SYN2: variants seen among roughly 807,000 people sequenced by gnomAD.
SYN2 encodes the protein synapsin-2.
In SYN2, 19 loss-of-function variants were observed where a neutral mutation model predicts 50.9. The observed-to-expected ratio is 0.37, with a 90% CI of 0.26 to 0.55. The LOEUF is 0.55. Ranked by LOEUF, SYN2 falls within the 20% of genes least tolerant of loss-of-function variation. The probability of loss-of-function intolerance (pLI) is 0.81; values close to 1 mark genes in which losing one functional copy is unlikely to be tolerated. For missense variants in SYN2, 587 were observed against 576.4 expected (o/e 1.02, Z -0.19); for synonymous variants, 255 against 224.9 (o/e 1.13, Z -1.20).
At chr3:12,026,502 G>A (rs771512813) in intron 1 of SYN2, among the ~76,000 whole-genome samples, 1 of 152,160 alleles carries the variant, frequency 6.6e-6, no homozygotes, top group Non-Finnish European at 1.5e-5. Context: ...GGAGGCTGGG[G>A]AAGGATTAAC....
intron 1 of SYN2, among the ~76,000 whole-genome samples, chr3:12,087,637 G>A (rs986271211): frequency 1.4e-4 from 22 of 151,808 alleles, no homozygotes; most frequent in Admixed American, 5.9e-4. Flanking sequence ...CTGTAGCCCC[G>A]GCTGCTTGGG....
intron 1 of SYN2, among the ~76,000 whole-genome samples, chr3:12,045,544 A>T (rs1361639211): frequency 1.4e-4 from 21 of 152,302 alleles, no homozygotes; most frequent in Admixed American, 1.4e-3. Flanking sequence ...TACCACCACT[A>T]TTGCTATCAC....
intron 1 of SYN2, among the ~76,000 whole-genome samples, chr3:12,134,973 T>G (rs748998932): frequency 1.3e-5 from 2 of 152,244 alleles, no homozygotes; most frequent in Non-Finnish European, 2.9e-5. Flanking sequence ...CAGTAAATTT[T>G]TGCTGAATTT....
At chr3:12,043,988 A>G (rs371466388) in intron 1 of SYN2, among the ~76,000 whole-genome samples, 1 of 152,144 alleles carries the variant, frequency 6.6e-6, no homozygotes, top group Non-Finnish European at 1.5e-5. Context: ...TTGTCCAGGT[A>G]TATTGTAGGT....
chr3:12,046,883 C>T (rs895217870), intron 1 of SYN2, among the ~76,000 whole-genome samples: 1 of 151,966 alleles, frequency 6.6e-6, no homozygotes, highest in Non-Finnish European at 1.5e-5. Flanking sequence ...ATTGAAGGAA[C>T]CTGAAGGACA....
At chr3:12,044,298 A>G (rs1180510858) in intron 1 of SYN2, among the ~76,000 whole-genome samples, 1 of 152,140 alleles carries the variant, frequency 6.6e-6, no homozygotes, top group Non-Finnish European at 1.5e-5. Flanking sequence ...GCAAAAAAGA[A>G]TGAAATGCTT....
At chr3:12,109,447 G>GT (rs1383091187) in intron 1 of SYN2, among the ~76,000 whole-genome samples, 1 of 152,076 alleles carries the variant, frequency 6.6e-6, no homozygotes, top group African/African-American at 2.4e-5. Flanking sequence ...GATTGAGAAA[G>GT]TTTTTTTACC....
At chr3:12,090,391 T>C (rs545197171) in intron 1 of SYN2, among the ~76,000 whole-genome samples, 1 of 152,154 alleles carries the variant, frequency 6.6e-6, no homozygotes, top group African/African-American at 2.4e-5. Context: ...ACTAAGTTAA[T>C]GTAACTTAGA....
intron 1 of SYN2, among the ~76,000 whole-genome samples, chr3:12,125,041 G>A (rs942855657): frequency 6.6e-6 from 1 of 150,998 alleles, no homozygotes; most frequent in African/African-American, 2.4e-5. Flanking sequence ...TTGAGATGGA[G>A]TCTCACCCTG....
chr3:12,158,366 C>CCCCTT (rs2125232297), intron 5 of SYN2, among the ~76,000 whole-genome samples: 1 of 152,310 alleles, frequency 6.6e-6, no homozygotes, highest in Non-Finnish European at 1.5e-5. Context: ...CCTCTCCCCT[C>CCCCTT]CCCTTTCTGT....
At chr3:12,134,736 A>G (rs576552627) in intron 1 of SYN2, among the ~76,000 whole-genome samples, 4 of 152,340 alleles carry the variant, frequency 2.6e-5, no homozygotes, top group East Asian at 1.9e-4. Flanking sequence ...CTCCTGGACT[A>G]TATGAAACTT....
intron 1 of SYN2, among the ~76,000 whole-genome samples, chr3:12,033,270 A>G (rs1237644671): frequency 1.3e-5 from 2 of 152,270 alleles, no homozygotes; most frequent in South Asian, 4.1e-4. Flanking sequence ...TGGGAGAACC[A>G]CTGCTCTCTT....
chr3:12,116,422 A>G (rs1696434874), intron 1 of SYN2, among the ~76,000 whole-genome samples: 1 of 152,302 alleles, frequency 6.6e-6, no homozygotes. Context: ...AAGAGTAACC[A>G]TGGTCTCACC....
At position 12,033,656 on chromosome 3, in the gene SYN2, A is replaced by T. The variant is rs75559397; in HGVS notation, c.377+28728A>T. On this transcript the variant is annotated intron_variant, in intron 1 of 12. Coordinates refer to ENST00000621198, the MANE Select transcript of SYN2 (RefSeq NM_133625.6). ...TCACCCCAAAAACCATATACATGTT[A>T]GCAGTATTTCCCATTCCTCCCTTAA... Among the ~76,000 whole-genome samples, 525 of 152,344 alleles carry T rather than the reference A, an allele frequency of 3.4e-3. 2 individuals are homozygous for T. The highest frequency in any genetic ancestry group is 0.012 in the African/African-American group (497 of 41,576).
intron 1 of SYN2, among the ~76,000 whole-genome samples, chr3:12,042,986 A>C (rs1290528154): frequency 6.6e-6 from 1 of 151,794 alleles, no homozygotes; most frequent in Non-Finnish European, 1.5e-5. Flanking sequence ...AACCGTGAGA[A>C]TAAATCCCCC....
At chr3:12,107,013 TTGTGTG>T (rs34550312) in intron 1 of SYN2, among the ~76,000 whole-genome samples, 1 of 150,120 alleles carries the variant, frequency 6.7e-6, no homozygotes, top group Non-Finnish European at 1.5e-5. Flanking sequence ...GTCTGTATGT[TTGTGTG>T]TGTGTGTGTG....
At chr3:12,157,436 T>C (rs781224851) in intron 5 of SYN2, 1 of 1,614,224 alleles carries the variant, frequency 6.2e-7, no homozygotes, top group East Asian at 2.2e-5. Context: ...CAGCAGGGTC[T>C]GCACTGGCCG....
chr3:12,184,945 G>A (rs1299714044), intron 11 of SYN2: 5 of 985,494 alleles, frequency 5.1e-6, no homozygotes, highest in South Asian at 4.7e-5. Context: ...TCATGTCACC[G>A]TTCTGAACTC....
chr3:12,123,146 T>C (rs779119258), intron 1 of SYN2, among the ~76,000 whole-genome samples: 4 of 152,086 alleles, frequency 2.6e-5, no homozygotes, highest in African/African-American at 4.8e-5. Context: ...GCAATAGTTA[T>C]AGAAGGAAGG....
Sources: allele counts gnomAD v4.1 joint callset (sites outside exome capture counted in the v4.1 genomes callset), GRCh38; gene constraint gnomAD v4.1.1; transcripts MANE v1.5; gene names NCBI Gene and HGNC (gene_info 2026-07-23, HGNC 2026-07-21).